Variants in IST1 observed in about 807,000 individuals in gnomAD.
IST1 encodes IST1 factor associated with ESCRT-III.
IST1 carries 23 observed loss-of-function variants against 37.0 expected under a neutral mutation model. The ratio of observed to expected loss-of-function variants is 0.62; its 90% CI spans 0.45 to 0.88. The LOEUF is 0.88. Ranked by LOEUF, IST1 falls within the 40% of genes least tolerant of loss-of-function variation. The probability of loss-of-function intolerance (pLI) is 0.00; values close to 1 mark genes in which losing one functional copy is unlikely to be tolerated. For missense variants in IST1, 488 were observed against 445.4 expected (o/e 1.10, Z -0.86); for synonymous variants, 180 against 161.7 (o/e 1.11, Z -0.86).
At chr16:71,900,497 A>T (rs2142525112) in intron 1 of IST1, among the ~76,000 whole-genome samples, 1 of 152,040 alleles carries the variant, frequency 6.6e-6, no homozygotes, top group African/African-American at 2.4e-5. Flanking sequence ...TACTTTGCTT[A>T]TTCAGGATGG....
upstream of IST1, chr16:71,895,319 G>A (rs2036939376): frequency 6.4e-6 from 1 of 156,250 alleles, no homozygotes; most frequent in South Asian, 1.9e-4. Flanking sequence ...AGTCGGCGTG[G>A]CGCTTCCCCC....
chr16:71,910,747 T>G (rs1005219504), intron 1 of IST1, among the ~76,000 whole-genome samples: 1 of 152,146 alleles, frequency 6.6e-6, no homozygotes, highest in African/African-American at 2.4e-5. Flanking sequence ...GCAAGGGTGG[T>G]TATGTATTAA....
At chr16:71,925,946 TTAAGA>T (rs541403278) in intron 9 of IST1, among the ~76,000 whole-genome samples, 23 of 151,714 alleles carry the variant, frequency 1.5e-4, no homozygotes, top group Non-Finnish European at 2.7e-4. Flanking sequence ...AAAACAAAAA[TTAAGA>T]TAATACCTAC....
intron 8 of IST1, chr16:71,924,080 C>T (rs1567474325): frequency 2.2e-6 from 1 of 454,414 alleles, no homozygotes; most frequent in East Asian, 7.0e-5. Flanking sequence ...TCCTTTGGTT[C>T]CCATCTGTAG....
intron 2 of IST1, 149 bp from the exon 3 acceptor site, chr16:71,916,313 A>C: frequency 2.8e-6 from 2 of 713,560 alleles, no homozygotes; most frequent in Non-Finnish European, 4.6e-6. Flanking sequence ...AGCAAATTCT[A>C]CAGTAGAGGG....
At position 71,917,054 on chromosome 16, in the gene IST1, G is replaced by A; in HGVS notation, c.277G>A (p.Asp93Asn). ...FGLIQSMKEL[D>N]SGLAESVSTL... ...ATTTTTTTCCTTGATTAGGGAACTA[G>A]ATTCTGGTCTGGCTGAATCTGTGTC... Residue 93 changes from aspartate (D) to asparagine (N), a missense_variant, in exon 4 of 10, where the codon GAT (aspartate) becomes AAT (asparagine). By Grantham distance (23) the Asp-to-Asn change is conservative. Around this residue, in one of 2 missense-constraint regions of IST1, gnomAD observed 455 missense variants for 386.2 expected, o/e 1.18. Coordinates refer to ENST00000378799, the MANE Select transcript of IST1 (RefSeq NM_001270975.2). The A allele has an allele frequency of 6.3e-7, 1 of 1,598,676 alleles. No homozygotes were observed. Among genetic ancestry groups the A allele is most frequent in the Non-Finnish European group, 8.5e-7 (1 of 1,173,552 alleles).
chr16:71,904,780 A>G (rs1458174358), intron 1 of IST1, among the ~76,000 whole-genome samples: 1 of 152,054 alleles, frequency 6.6e-6, no homozygotes, highest in Admixed American at 6.6e-5. Context: ...CTACATTATT[A>G]TATTTGAAGT....
At chr16:71,922,450 C>CCTGGGTTAATGAG in intron 6 of IST1, 24 bp from the exon 7 acceptor site, 1 of 1,603,286 alleles carries the variant, frequency 6.2e-7, no homozygotes, top group Middle Eastern at 1.7e-4. Flanking sequence ...GGGTTAATGA[C>CCTGGGTTAATGAG]CTGGGTTTCT....
intron 4 of IST1, among the ~76,000 whole-genome samples, chr16:71,919,533 C>T (rs768017326): frequency 6.6e-6 from 1 of 152,176 alleles, no homozygotes; most frequent in East Asian, 1.9e-4. Context: ...ACAAGAGGTG[C>T]GTGCCACCAT....
intron 9 of IST1, among the ~76,000 whole-genome samples, chr16:71,926,404 C>T (rs562224817): frequency 5.9e-5 from 9 of 151,326 alleles, no homozygotes; most frequent in South Asian, 2.1e-4. Flanking sequence ...AATGCAGTGG[C>T]GTGATCTCGG....
chr16:71,908,801 A>G (rs1436842787), intron 1 of IST1, among the ~76,000 whole-genome samples: 1 of 152,170 alleles, frequency 6.6e-6, no homozygotes, highest in African/African-American at 2.4e-5. Context: ...CTGTGCATCC[A>G]GGCTGGGGAA....
intron 5 of IST1, 149 bp from the exon 6 acceptor site, chr16:71,921,194 G>A (rs1461928982): frequency 1.6e-6 from 1 of 623,806 alleles, no homozygotes; most frequent in East Asian, 2.7e-5. Flanking sequence ...GATGTGTCTT[G>A]TGACTCTGAA....
At chr16:71,903,462 T>G (rs951481549) in intron 1 of IST1, 5 of 152,220 alleles carry the variant, frequency 3.3e-5, no homozygotes, top group African/African-American at 1.2e-4. Flanking sequence ...TATTGTTGAA[T>G]TCCCAAATGT....
At chr16:71,913,068 A>G (rs1348007840) in intron 1 of IST1, among the ~76,000 whole-genome samples, 1 of 152,218 alleles carries the variant, frequency 6.6e-6, no homozygotes, top group African/African-American at 2.4e-5. Flanking sequence ...GAACATAGGT[A>G]TGCAAATAGC....
chr16:71,896,201 T>A (rs907279420), intron 1 of IST1, among the ~76,000 whole-genome samples: 1 of 152,050 alleles, frequency 6.6e-6, no homozygotes, highest in Admixed American at 6.6e-5. Flanking sequence ...CTTGGAAGGA[T>A]CCTTGCGCCT....
chr16:71,911,632 G>C (rs1567466152), intron 1 of IST1, among the ~76,000 whole-genome samples: 1 of 151,556 alleles, frequency 6.6e-6, no homozygotes, highest in Non-Finnish European at 1.5e-5. Context: ...GTGGAATTTA[G>C]ATGATTTTAT....
chr16:71,911,807 C>T (rs1421905945), intron 1 of IST1, among the ~76,000 whole-genome samples: 1 of 150,514 alleles, frequency 6.6e-6, no homozygotes, highest in African/African-American at 2.5e-5. Context: ...GCCTTGACTT[C>T]CCAGGCTCCA....
chr16:71,902,865 G>A (rs1293328583), intron 1 of IST1, among the ~76,000 whole-genome samples: 1 of 151,698 alleles, frequency 6.6e-6, no homozygotes. Context: ...TAGTTTCCTT[G>A]ATTTTTTTTC....
Position 71,930,185 on chromosome 16 carries a change from T to G in IST1, c.*2372T>G, listed in dbSNP as rs749740158. The G allele has an allele frequency of 6.5e-7, 1 of 1,539,782 alleles. No homozygotes were observed. The highest frequency in any genetic ancestry group is 8.8e-7 in the Non-Finnish European group (1 of 1,142,610). On this transcript the variant is annotated 3_prime_UTR_variant, in exon 10 of 10. Transcript: ENST00000378799. ...CAGGACTGGGTCTAAAGCGAAAACCTGGGAAAACAATAAGAACACTTGCAG... is the reference window on the plus strand; with the variant it reads ...CAGGACTGGGTCTAAAGCGAAAACCGGGGAAAACAATAAGAACACTTGCAG...
Sources: allele counts gnomAD v4.1 joint callset (sites outside exome capture counted in the v4.1 genomes callset), GRCh38; gene constraint gnomAD v4.1.1; regional missense constraint gnomAD v4.1.1; transcripts MANE v1.5; gene names NCBI Gene and HGNC (gene_info 2026-07-23, HGNC 2026-07-21).